RALY: variants seen among roughly 807,000 people sequenced by gnomAD.
RALY encodes RNA-binding protein Raly.
Under a neutral mutation model 30.7 loss-of-function variants are expected in RALY, and 15 were observed. The ratio of observed to expected loss-of-function variants is 0.49; its 90% confidence interval spans 0.33 to 0.75. RALY has a LOEUF of 0.75. Ranked by LOEUF, RALY falls within the 30% of genes least tolerant of loss-of-function variation. RALY has a pLI of 0.02. For synonymous variants in RALY, 177 were observed against 170.8 expected, an observed-to-expected ratio of 1.04 and a Z score of -0.28; for missense variants, 339 against 414.3, an observed-to-expected ratio of 0.82 and a Z score of 1.58.
chr20:34,076,907 C>CAGAT, intron 7 of RALY, 92 bp downstream of exon 7: 2 of 1,583,792 alleles, frequency 1.3e-6, no homozygotes, highest in Non-Finnish European at 1.7e-6. Context: ...GCTAGGGTGG[C>CAGAT]CCTGCAGATC....
chr20:34,058,802 G>T (rs1245512094), intron 2 of RALY, among the ~76,000 whole-genome samples: 2 of 152,202 alleles, frequency 1.3e-5, no homozygotes, highest in Non-Finnish European at 2.9e-5. Context: ...TCAGAGGATT[G>T]TTGTGTATAG....
intron 1 of RALY, among the ~76,000 whole-genome samples, chr20:34,002,603 C>T (rs1225859390): frequency 1.3e-5 from 2 of 152,162 alleles, no homozygotes; most frequent in East Asian, 3.8e-4. Context: ...ATCTGACTTC[C>T]AGTGTGTAGA....
intron 1 of RALY, among the ~76,000 whole-genome samples, chr20:34,007,815 C>T (rs1280795478): frequency 1.1e-5 from 1 of 89,550 alleles, no homozygotes; most frequent in African/African-American, 4.9e-5. Flanking sequence ...AGCGAAACTC[C>T]GTCTCAAAAA....
intron 2 of RALY, chr20:34,033,058 G>A (rs2032344786): frequency 6.6e-6 from 1 of 152,206 alleles, no homozygotes; most frequent in Non-Finnish European, 1.5e-5. Context: ...GTAACACATG[G>A]GATCTCATAA....
At chr20:33,996,877 T>C (rs910260724) in intron 1 of RALY, among the ~76,000 whole-genome samples, 2 of 152,148 alleles carry the variant, frequency 1.3e-5, no homozygotes, top group Non-Finnish European at 2.9e-5. Context: ...AATCATGCAA[T>C]ATTTGTCCTT....
At chr20:34,051,211 T>C (rs1319179054) in intron 2 of RALY, among the ~76,000 whole-genome samples, 1 of 152,178 alleles carries the variant, frequency 6.6e-6, no homozygotes, top group Non-Finnish European at 1.5e-5. Flanking sequence ...AGTGTAAGGA[T>C]TACTATTCCC....
At chr20:34,037,655 G>A (rs531456706) in intron 2 of RALY, among the ~76,000 whole-genome samples, 23 of 152,186 alleles carry the variant, frequency 1.5e-4, no homozygotes, top group Non-Finnish European at 2.2e-4. Context: ...CCAGCGTACT[G>A]TGTAAAGCAC....
chr20:34,001,999 C>T (rs2030940894), intron 1 of RALY, among the ~76,000 whole-genome samples: 1 of 152,160 alleles, frequency 6.6e-6, no homozygotes, highest in Admixed American at 6.5e-5. Context: ...GATCTCCTGA[C>T]CTGGTGATCT....
intron 1 of RALY, among the ~76,000 whole-genome samples, chr20:34,013,781 T>C (rs1347246625): frequency 1.3e-5 from 2 of 152,228 alleles, no homozygotes; most frequent in African/African-American, 2.4e-5. Flanking sequence ...CAGGGGATAG[T>C]GTGCTACTTA....
At chr20:34,033,772 C>T (rs1031172661) in intron 2 of RALY, among the ~76,000 whole-genome samples, 3 of 152,118 alleles carry the variant, frequency 2.0e-5, no homozygotes, top group Admixed American at 6.6e-5. Context: ...GTATCTGTAG[C>T]GTCCCAGTCC....
intron 1 of RALY, among the ~76,000 whole-genome samples, chr20:34,028,931 A>G (rs1274804516): frequency 6.6e-6 from 1 of 152,048 alleles, no homozygotes; most frequent in Non-Finnish European, 1.5e-5. Context: ...TGGCATACCT[A>G]AGAGCAAGGC....
At chr20:34,077,808 G>T (rs2235597) in intron 8 of RALY, 130,692 of 177,638 alleles carry the variant, frequency 0.74, 48,717 homozygotes, top group South Asian at 0.85. Context: ...CTTAATGAGC[G>T]CTCATTGAGC....
chr20:34,075,695 C>T (rs1179598062), intron 5 of RALY, among the ~76,000 whole-genome samples, 179 bp from the exon 6 acceptor site: 1 of 152,156 alleles, frequency 6.6e-6, no homozygotes, highest in South Asian at 2.1e-4. Context: ...AGGATCCCAA[C>T]AGCCATCAGG....
At chr20:34,022,941 T>G (rs2031883502) in intron 1 of RALY, among the ~76,000 whole-genome samples, 1 of 152,200 alleles carries the variant, frequency 6.6e-6, no homozygotes, top group Admixed American at 6.5e-5. Context: ...GATCATTTGC[T>G]TGAAATTCAC....
At chr20:34,079,458 C>T (rs886072185) in intron 9 of RALY, among the ~76,000 whole-genome samples, 3 of 152,182 alleles carry the variant, frequency 2.0e-5, no homozygotes, top group African/African-American at 7.2e-5. Flanking sequence ...GGAGGAAGGT[C>T]TCAAACACTA....
chr20:34,023,673 C>G (rs2031913344), intron 1 of RALY, among the ~76,000 whole-genome samples: 1 of 152,026 alleles, frequency 6.6e-6, no homozygotes, highest in South Asian at 2.1e-4. Flanking sequence ...ATTTTGTGCA[C>G]TCTAGAAAGT....
chr20:34,076,487 C>A (rs1451114108), intron 6 of RALY, among the ~76,000 whole-genome samples: 3 of 152,208 alleles, frequency 2.0e-5, no homozygotes, highest in East Asian at 1.9e-4. Context: ...GTTGAGAGAT[C>A]AGGAGAAAAG....
intron 2 of RALY, among the ~76,000 whole-genome samples, chr20:34,068,332 A>G (rs2033635972): frequency 6.6e-6 from 1 of 152,194 alleles, no homozygotes; most frequent in Admixed American, 6.5e-5. Context: ...GCTAGGGGGT[A>G]CCTTGAAAAG....
intron 1 of RALY, among the ~76,000 whole-genome samples, chr20:33,996,483 A>G (rs73904754): frequency 2.2e-3 from 341 of 152,288 alleles, no homozygotes; most frequent in African/African-American, 7.8e-3. Flanking sequence ...TGAATTAAGT[A>G]CTATTATTAT....
Sources: allele counts gnomAD v4.1 joint callset (sites outside exome capture counted in the v4.1 genomes callset), GRCh38; gene constraint gnomAD v4.1.1; transcripts MANE v1.5; gene names NCBI Gene and HGNC (gene_info 2026-07-23, HGNC 2026-07-21).